Variants in SYBU observed in about 807,000 individuals in gnomAD.
The protein encoded by SYBU is syntabulin, also known as GOLSYN A protein.
A neutral mutation model predicts 35.9 loss-of-function variants in SYBU; 21 were observed. That is an observed-to-expected ratio of 0.58 (90% CI 0.41 to 0.84). The LOEUF (loss-of-function observed/expected upper bound fraction) is 0.84, where lower values mean the gene tolerates loss of function less well. SYBU is among the 40% of genes least tolerant of loss of function. The pLI, the probability that SYBU is intolerant of heterozygous loss-of-function variation, is 0.00. For synonymous variants in SYBU, 319 were observed against 324.3 expected, an observed-to-expected ratio of 0.98 and a Z score of 0.18; for missense variants, 768 against 848.2, an observed-to-expected ratio of 0.91 and a Z score of 1.17.
rs1179841807 is a variant in SYBU, at chr8:109,579,889, G to C, written c.644C>G (p.Pro215Arg). Residue 215 changes from proline to arginine, a missense_variant, in exon 5 of 7, where the codon CCT becomes CGT. Transcript: ENST00000276646. ...LSMLCRNQLS[P>R]VNIHPSYAPS... Reference sequence around the variant, plus strand: ...TGCATAACTGGGATGGATATTGACAGGGCTCAGCTGATTCCTGCACAGCAT... The same window carrying C: ...TGCATAACTGGGATGGATATTGACACGGCTCAGCTGATTCCTGCACAGCAT... The C allele has an allele frequency of 6.2e-7, 1 of 1,613,962 alleles. No individual in the cohort carries two copies. The highest frequency in any genetic ancestry group is 8.5e-7 in the Non-Finnish European group (1 of 1,180,002).
chr8:109,590,173 G>T (rs1020351807), intron 3 of SYBU, among the ~76,000 whole-genome samples: 1 of 152,138 alleles, frequency 6.6e-6, no homozygotes, highest in Non-Finnish European at 1.5e-5. Context: ...ACGGACACAC[G>T]CAATTATAGA....
upstream of SYBU, chr8:109,647,699 C>T (rs1815850955): frequency 6.6e-6 from 1 of 152,216 alleles, no homozygotes; most frequent in Non-Finnish European, 1.5e-5. Context: ...GAAAATGATT[C>T]AGATAAAGCT....
intron 1 of SYBU, among the ~76,000 whole-genome samples, chr8:109,658,911 G>A (rs964346837): frequency 2.6e-5 from 4 of 151,690 alleles, no homozygotes; most frequent in African/African-American, 7.3e-5. Context: ...CAGAGATTGC[G>A]CCACACTGCA....
In SYBU at chr8:109,586,102, T is replaced by G; in HGVS notation, c.488A>C (p.His163Pro). The change falls in exon 4 of 7, where the codon CAT becomes CCT. Residue 163 changes from histidine to proline, a missense_variant. Transcript: ENST00000276646. ...CCGCTTGCTTCCCGCAGTCGACATA[T>G]GGACCTCAGGAGCGGAAATGCTGCC... is the stretch of plus-strand genomic sequence containing the variant. The part of the protein sequence containing the change: ...STGSISAPEV[H>P]MSTAGSKRSS... 2 of 1,612,206 alleles carry G rather than the reference T, an allele frequency of 1.2e-6. No individual in the cohort carries two copies. The highest frequency in any genetic ancestry group is 2.2e-5 in the East Asian group (1 of 44,862).
At chr8:109,591,453 T>C (rs1018407354) in intron 3 of SYBU, among the ~76,000 whole-genome samples, 1 of 151,734 alleles carries the variant, frequency 6.6e-6, no homozygotes, top group Non-Finnish European at 1.5e-5. Context: ...AAATTATATA[T>C]AGGAGTGCAC....
At chr8:109,667,863 A>C (rs1032636756) in intron 1 of SYBU, among the ~76,000 whole-genome samples, 1 of 152,130 alleles carries the variant, frequency 6.6e-6, no homozygotes, top group Non-Finnish European at 1.5e-5. Context: ...TCATGTGAAA[A>C]ATTTGAACAG....
chr8:109,592,035 T>C (rs1824340294), intron 3 of SYBU, among the ~76,000 whole-genome samples: 1 of 152,004 alleles, frequency 6.6e-6, no homozygotes, highest in Admixed American at 6.6e-5. Flanking sequence ...TAAAAGATTA[T>C]GGAAATTCAG....
rs369609723 is a variant in SYBU at position 109,629,939 on chromosome 8, T to C, written c.230-10900A>G. ...CATGTGTTTTTTGGCTGCATAAATG[T>C]CTTCTTTTGAGAAGTGTCTGTTCAT... On this transcript the variant is annotated intron_variant, in intron 2 of 6. Transcript: ENST00000276646. Among the ~76,000 whole-genome samples the C allele has an allele frequency of 5.9e-5, 9 of 152,060 alleles. No homozygotes were observed. In the South Asian group the frequency reaches 1.0e-3, roughly 17 times the overall value.
rs184600206 is a variant in SYBU at position 109,615,916 on chromosome 8, A to G, written c.427+2926T>C. The stretch of plus-strand genomic sequence containing the variant: ...TCAAGGATCCATGAATCAAAATAGC[A>G]TTAAGAAAAACTGTTTTTGTTTTCC... On this transcript the variant is annotated intron_variant, in intron 3 of 6. Coordinates refer to ENST00000276646, the MANE Select transcript of SYBU (RefSeq NM_001099754.2). Among the ~76,000 whole-genome samples, 487 of 151,896 alleles carry G rather than the reference A, an allele frequency of 3.2e-3. 2 individuals are homozygous for G. The highest frequency in any genetic ancestry group is 0.011 in the African/African-American group (463 of 41,380).
rs537907650 is a variant in SYBU at position 109,677,995 on chromosome 8, G to T, written c.-129+2716C>A. Among the ~76,000 whole-genome samples, 4 of 151,948 alleles carry T rather than the reference G, an allele frequency of 2.6e-5. No homozygotes were observed. In the South Asian group the frequency reaches 8.3e-4, roughly 32 times the overall value. Reference sequence around the variant, plus strand: ...ACTAAAAAGACAAAATTAGCCAGGTGTGGTGGTGCATGCCTGTAATCCCAG... The same window carrying T: ...ACTAAAAAGACAAAATTAGCCAGGTTTGGTGGTGCATGCCTGTAATCCCAG... On this transcript the variant is annotated intron_variant, in intron 1 of 5. Transcript: ENST00000408889.
chr8:109,580,128 G>A (rs1822854407), intron 4 of SYBU, 126 bp from the exon 5 acceptor site: 6 of 885,510 alleles, frequency 6.8e-6, no homozygotes, highest in Middle Eastern at 3.4e-4. Context: ...AATTATTCGT[G>A]TAGACTGTCC....
Position 109,576,042 on chromosome 8 carries a change from TAAAAAAAAA to T in SYBU, c.885-38_885-30del, listed in dbSNP as rs71305959. 240 of 846,542 alleles carry T rather than the reference TAAAAAAAAA, an allele frequency of 2.8e-4. No individual in the cohort carries two copies. In the East Asian group the frequency reaches 4.2e-3, roughly 15 times the overall value. The allele number at this position is 846,542 out of a possible 1,614,324, so 52.4% of individuals were successfully genotyped here. A position where few individuals can be genotyped will look rare whatever the true frequency, so the allele number is the denominator to read the frequency against. ...GAGTGCCAAGACAAGCATGGTTAAT[TAAAAAAAAA>T]AAAAAAAAAAAAAAAAAAACTTTCA... On this transcript the variant is annotated intron_variant, in intron 6 of 6. Transcript: ENST00000276646.
chr8:109,604,010 A>G (rs964461501), intron 3 of SYBU, among the ~76,000 whole-genome samples: 3 of 152,218 alleles, frequency 2.0e-5, no homozygotes, highest in Admixed American at 6.5e-5. Context: ...AGTATTTATA[A>G]AGAAATAAGG....
At chr8:109,599,751 T>C (rs1825305975) in intron 3 of SYBU, among the ~76,000 whole-genome samples, 1 of 152,232 alleles carries the variant, frequency 6.6e-6, no homozygotes, top group South Asian at 2.1e-4. Context: ...GCAATTCCCT[T>C]GTTGAAACTC....
At chr8:109,679,646 G>A (rs1817329313) in intron 1 of SYBU, among the ~76,000 whole-genome samples, 1 of 152,208 alleles carries the variant, frequency 6.6e-6, no homozygotes, top group African/African-American at 2.4e-5. Flanking sequence ...AGGAATTAAG[G>A]ACAGCACAAG....
chr8:109,626,161 A>G (rs1203747610), intron 2 of SYBU, among the ~76,000 whole-genome samples: 1 of 152,172 alleles, frequency 6.6e-6, no homozygotes, highest in Non-Finnish European at 1.5e-5. Flanking sequence ...AGAACTCTTT[A>G]TATGTTAAAA....
Position 109,691,589 on chromosome 8 carries a change from G to A in SYBU, c.-314C>T. ...CTCTGCAGCCAGCCGGGCGGCTGCT[G>A]GGGCTGAGGACAAAATGGAGAGAAG... is the stretch of plus-strand genomic sequence containing the variant. On this transcript the variant is annotated 5_prime_UTR_variant, in exon 1 of 8. Coordinates refer to the SYBU transcript ENST00000422135. This position sits in a 1 kb window ranked among gnomAD's most constrained non-coding sequence, Gnocchi z 4.7. 2.3e-6 allele frequency: 1 copy of A among 435,036 alleles called. No individual in the cohort carries two copies. The highest frequency in any genetic ancestry group is 4.5e-5 in the Admixed American group (1 of 22,032). 26.9% of individuals were successfully genotyped at this position (435,036 alleles called of 1,614,324 possible).
At chr8:109,616,213 T>C (rs1449076221) in intron 3 of SYBU, among the ~76,000 whole-genome samples, 3 of 151,802 alleles carry the variant, frequency 2.0e-5, no homozygotes, top group African/African-American at 7.3e-5. Context: ...GGTTTCACCA[T>C]GTTGGCCAAG....
rs142853096 is a variant in SYBU at position 109,595,154 on chromosome 8, G to A, written c.428-8992C>T. ...CATATCAAGGTCCCAAAACATGTGA[G>A]GCCAAAATCTGGAAGAACTTAGAAC... On this transcript the variant is annotated intron_variant, in intron 3 of 6. Coordinates refer to ENST00000276646, the MANE Select transcript of SYBU (RefSeq NM_001099754.2). Among the ~76,000 whole-genome samples, 333 of 152,202 alleles carry A rather than the reference G, an allele frequency of 2.2e-3. 2 individuals are homozygous for A. The highest frequency in any genetic ancestry group is 7.6e-3 in the African/African-American group (317 of 41,522).
Sources: allele counts gnomAD v4.1 joint callset (sites outside exome capture counted in the v4.1 genomes callset), GRCh38; gene constraint gnomAD v4.1.1; non-coding constraint Gnocchi (gnomAD v3.1); transcripts MANE v1.5; gene names NCBI Gene and HGNC (gene_info 2026-07-23, HGNC 2026-07-21).